GEMIN5: variants seen among roughly 807,000 people sequenced by gnomAD.
GEMIN5 encodes gem-associated protein 5.
GEMIN5 carries 124 observed loss-of-function variants against 176.9 expected under a neutral mutation model. That is an observed-to-expected ratio of 0.70 (90% confidence interval 0.61 to 0.81). The LOEUF (loss-of-function observed/expected upper bound fraction) is 0.81, where lower values mean the gene tolerates loss of function less well. Among genes scored for constraint, GEMIN5 ranks in the 40% least tolerant of loss-of-function variants. The pLI is 0.00. For missense variants in GEMIN5, 1,843 were observed against 1,814.6 expected, an observed-to-expected ratio of 1.02 and a Z score of -0.28; for synonymous variants, 673 against 665.2, an observed-to-expected ratio of 1.01 and a Z score of -0.18.
In GEMIN5 at chr5:154,907,692, C is replaced by T. The variant is rs935557052; in HGVS notation, c.2294G>A (p.Ser765Asn). ...LESIDGNEEE[S>N]MKENSGPVEN... ...AACAGGTCCTGAGTTCTCCTTCATG[C>T]TTTCTTCTTCATTTCCATCAATCGA... The change falls in exon 16 of 28, where the codon AGC becomes AAC. Residue 765 changes from serine to asparagine, a missense_variant. Physicochemically the swap from Ser to Asn is conservative, Grantham distance 46 (BLOSUM62 1). Transcript: ENST00000285873. The T allele has an allele frequency of 3.1e-6, 5 of 1,614,098 alleles. No individual in the cohort carries two copies.
At chr5:154,918,055 G>T (rs1219681414) in intron 11 of GEMIN5, 51 bp from the exon 12 acceptor site, 1 of 1,117,542 alleles carries the variant, frequency 8.9e-7, no homozygotes, top group Non-Finnish European at 1.4e-6. Context: ...TCACAAATCA[G>T]CAATGACAGC....
chr5:154,911,997 C>G, intron 14 of GEMIN5, 99 bp from the exon 15 acceptor site: 1 of 1,065,572 alleles, frequency 9.4e-7, no homozygotes. Flanking sequence ...AAAACAAAAA[C>G]AATCTGCGGC....
chr5:154,937,626 G>A (rs1408823947), intron 1 of GEMIN5, among the ~76,000 whole-genome samples: 1 of 152,212 alleles, frequency 6.6e-6, no homozygotes. Flanking sequence ...CTTAGGGCCT[G>A]CAGCTGTGGT....
Position 154,937,954 on chromosome 5 carries a change from G to T in GEMIN5, c.166+14C>A. The T allele has an allele frequency of 6.4e-7, 1 of 1,562,570 alleles. No individual in the cohort carries two copies. The highest frequency in any genetic ancestry group is 2.6e-5 in the East Asian group (1 of 38,836). On this transcript the variant is annotated intron_variant, in intron 1 of 27. Transcript: ENST00000285873. ...AAAGGGCAGTAAGTCTCGGGCCCAA[G>T]GGTGGTGAGTTACCTCGAAACGGGG...
chr5:154,905,557 C>A (rs114704610), intron 16 of GEMIN5, 81 bp from the exon 17 acceptor site: 354 of 640,484 alleles, frequency 5.5e-4, no homozygotes, highest in African/African-American at 5.5e-3. Flanking sequence ...AAATTAAGAG[C>A]CATTCCAAGC....
At position 154,917,150 on chromosome 5, in the gene GEMIN5, A is replaced by G; in HGVS notation, c.1703T>C (p.Leu568Pro). The G allele has an allele frequency of 1.3e-6, 2 of 1,511,922 alleles. No individual in the cohort carries two copies. The highest frequency in any genetic ancestry group is 9.0e-7 in the Non-Finnish European group (1 of 1,115,828). 93.7% of individuals were successfully genotyped at this position (1,511,922 alleles called of 1,614,324 possible). The change falls in exon 13 of 28, where the codon CTG becomes CCG. Residue 568 changes from leucine (L) to proline (P), a missense_variant. Leu to Pro is a moderately conservative substitution (Grantham distance 98). Coordinates refer to ENST00000285873, the MANE Select transcript of GEMIN5 (RefSeq NM_015465.5). ...GSIEIFQIPN[L>P]KLICTIQQHH... is the part of the protein sequence containing the mutation. ...CTGTTGGATAGTACAGATCAGTTTC[A>G]GGTTGGGAATCTGAAATATTTCTAT...
Position 154,931,534 on chromosome 5 carries a change from T to A in GEMIN5, c.705A>T (p.Pro235=), listed in dbSNP as rs774742691. The A allele has an allele frequency of 1.2e-6, 2 of 1,612,550 alleles. No individual in the cohort carries two copies. Among genetic ancestry groups the A allele is most frequent in the East Asian group, 4.5e-5 (2 of 44,846 alleles). The stretch of plus-strand genomic sequence containing the variant: ...TGGCTAAGTAGCAACCTTTTGTTAC[T>A]GGAGCTTGTGCTACAGCATTCCCGT... ...ITNGNAVAQA[P]VTKGCYLATG... The change falls in exon 5 of 28, where the codon CCA becomes CCT. Residue 235 remains proline (P), a synonymous_variant. Coordinates refer to ENST00000285873, the MANE Select transcript of GEMIN5 (RefSeq NM_015465.5).
chr5:154,921,575 T>C, intron 9 of GEMIN5, 150 bp from the exon 10 acceptor site: 1 of 570,968 alleles, frequency 1.8e-6, no homozygotes, highest in Non-Finnish European at 3.0e-6. Context: ...CTCCAAATAG[T>C]TGACTGTAAA....
At chr5:154,900,992 C>A (rs1164088559) in intron 21 of GEMIN5, among the ~76,000 whole-genome samples, 1 of 152,166 alleles carries the variant, frequency 6.6e-6, no homozygotes, top group South Asian at 2.1e-4. Context: ...GTTTAACACT[C>A]TCTAAAGGAA....
Position 154,925,935 on chromosome 5 carries a change from C to T in GEMIN5, c.1220G>A (p.Trp407Ter), listed in dbSNP as rs774361494. 1 of 1,613,160 alleles carries T rather than the reference C, an allele frequency of 6.2e-7. No individual in the cohort carries two copies. The highest frequency in any genetic ancestry group is 1.1e-5 in the South Asian group (1 of 91,060). The change falls in exon 8 of 28, where the codon TGG becomes TAG. Residue 407 changes from tryptophan (W) to a stop codon, truncating the protein, a stop_gained. Coordinates refer to ENST00000285873, the MANE Select transcript of GEMIN5 (RefSeq NM_015465.5). LOFTEE classifies it high-confidence loss of function. ...IGVGDGMIRV[W>*]NTLSIKNNYD... ...GTTGTTCTTTATGGAGAGTGTATTCCATACACGGATCATGCCATCCCCAAC... is the reference window on the plus strand; with the variant it reads ...GTTGTTCTTTATGGAGAGTGTATTCTATACACGGATCATGCCATCCCCAAC...
At chr5:154,923,905 C>G (rs1343372194) in intron 9 of GEMIN5, among the ~76,000 whole-genome samples, 1 of 152,114 alleles carries the variant, frequency 6.6e-6, no homozygotes, top group Non-Finnish European at 1.5e-5. Context: ...GCCTCTAGAG[C>G]AGCGGTGTAC....
chr5:154,905,449 G>C lies in GEMIN5; in HGVS notation c.2423C>G (p.Pro808Arg). The change falls in exon 17 of 28, where the codon CCA (proline) becomes CGA (arginine). Residue 808 changes from proline (P) to arginine (R), a missense_variant. Physicochemically the swap from Pro to Arg is moderately radical, Grantham distance 103. Transcript: ENST00000285873. The stretch of plus-strand genomic sequence containing the variant: ...TGACTTTTCAAAGCCTGAGGAAACT[G>C]GAGTGCAGATAACTGGTTCTCTAGA... Reference protein sequence around the residue: ...AVSREPVICTPVSSGFEKSKV... With the variant: ...AVSREPVICTRVSSGFEKSKV... 1 of 1,598,722 alleles carries C rather than the reference G, an allele frequency of 6.3e-7. No individual in the cohort carries two copies. Among genetic ancestry groups the C allele is most frequent in the South Asian group, 1.1e-5 (1 of 89,326 alleles).
At chr5:154,896,990 T>A (rs1051566997) in intron 23 of GEMIN5, among the ~76,000 whole-genome samples, 5 of 152,360 alleles carry the variant, frequency 3.3e-5, no homozygotes, top group African/African-American at 1.2e-4. Flanking sequence ...ATAGCCCTTA[T>A]CAGAATATTT....
intron 15 of GEMIN5, among the ~76,000 whole-genome samples, chr5:154,909,932 G>A (rs1286504741): frequency 6.6e-6 from 1 of 151,466 alleles, no homozygotes; most frequent in Admixed American, 6.6e-5. Context: ...TGAGCCGAGA[G>A]TGCACCACTG....
intron 9 of GEMIN5, among the ~76,000 whole-genome samples, chr5:154,922,466 A>G (rs1335800704): frequency 6.6e-6 from 1 of 151,990 alleles, no homozygotes; most frequent in Non-Finnish European, 1.5e-5. Context: ...ACTTTAGCCT[A>G]TATCTAAAAG....
At chr5:154,925,155 T>C (rs1236549050) in intron 8 of GEMIN5, among the ~76,000 whole-genome samples, 1 of 152,132 alleles carries the variant, frequency 6.6e-6, no homozygotes, top group Non-Finnish European at 1.5e-5. Flanking sequence ...GTAAATGATA[T>C]GCATTATACA....
intron 14 of GEMIN5, among the ~76,000 whole-genome samples, chr5:154,912,207 G>A (rs1413429451): frequency 6.6e-6 from 1 of 152,120 alleles, no homozygotes; most frequent in African/African-American, 2.4e-5. Context: ...TTGAGATTCT[G>A]GTATCACGAA....
chr5:154,920,823 T>C (rs763069276), intron 10 of GEMIN5, among the ~76,000 whole-genome samples: 20 of 152,110 alleles, frequency 1.3e-4, no homozygotes, highest in Non-Finnish European at 2.8e-4. Flanking sequence ...AAAAAGCTAA[T>C]AGAAAAGACT....
intron 4 of GEMIN5, 136 bp from the exon 5 acceptor site, chr5:154,931,713 T>C (rs1351368916): frequency 2.9e-6 from 2 of 689,596 alleles, no homozygotes; most frequent in Non-Finnish European, 4.7e-6. Context: ...GTTTTAGGTA[T>C]AATTAAAATG....
Sources: allele counts gnomAD v4.1 joint callset (sites outside exome capture counted in the v4.1 genomes callset), GRCh38; gene constraint gnomAD v4.1.1; transcripts MANE v1.5; gene names NCBI Gene and HGNC (gene_info 2026-07-23, HGNC 2026-07-21).